The following SGSM1 variants were observed in gnomAD, a reference collection of about 807,000 sequenced individuals.
SGSM1 encodes small G protein signaling modulator 1, also known as RUN and TBC1 domain containing 2.
A neutral mutation model predicts 133.8 loss-of-function variants in SGSM1; 73 were observed. That is an observed-to-expected ratio of 0.55 (90% confidence interval 0.45 to 0.66). The LOEUF (loss-of-function observed/expected upper bound fraction) is 0.66. Ranked by LOEUF, SGSM1 falls within the 30% of genes least tolerant of loss-of-function variation. The pLI, the probability that SGSM1 is intolerant of heterozygous loss-of-function variation, is 0.00. For missense variants in SGSM1, 1,213 were observed against 1,448.1 expected, an observed-to-expected ratio of 0.84 and a Z score of 2.64; for synonymous variants, 563 against 573.0, an observed-to-expected ratio of 0.98 and a Z score of 0.25.
chr22:24,824,888 T>G (rs909678913), intron 2 of SGSM1, among the ~76,000 whole-genome samples: 4 of 152,228 alleles, frequency 2.6e-5, no homozygotes, highest in African/African-American at 9.6e-5. Flanking sequence ...TTTATATCTT[T>G]CCATCTCCCT....
chr22:24,889,082 C>G (rs184436972), intron 16 of SGSM1, among the ~76,000 whole-genome samples: 2,536 of 151,678 alleles, frequency 0.017, 27 homozygotes, highest in South Asian at 0.04. Flanking sequence ...CTGCCTCAGC[C>G]TCCCCAGTAG....
intron 2 of SGSM1, among the ~76,000 whole-genome samples, chr22:24,812,215 T>C (rs988997081): frequency 1.3e-5 from 2 of 151,960 alleles, no homozygotes; most frequent in Admixed American, 6.6e-5. Flanking sequence ...CATTCCTAAT[T>C]TCCTACGTGT....
rs893365411 is a variant in SGSM1, at chr22:24,893,599, A to G, written c.1939A>G (p.Thr647Ala). 2.5e-6 allele frequency: 4 copies of G among 1,575,878 alleles called. No homozygotes were observed. Among genetic ancestry groups the G allele is most frequent in the South Asian group, 2.4e-5 (2 of 83,080 alleles). The part of the protein sequence containing the change: ...HLHRMLHRDS[T>A]ISNESSQSCS... ...GCACCGGATGTTGCACAGGGACTCA[A>G]CCATCAGCAATGAGGTGATGGGCGG... Residue 647 changes from threonine (T) to alanine (A), a missense_variant, in exon 17 of 25, where the codon ACC becomes GCC. By Grantham distance (58) the Thr-to-Ala change is moderately conservative (BLOSUM62 0). Transcript: ENST00000400358.
chr22:24,880,374 T>C (rs1932257793), intron 14 of SGSM1, among the ~76,000 whole-genome samples: 1 of 152,138 alleles, frequency 6.6e-6, no homozygotes, highest in Non-Finnish European at 1.5e-5. Flanking sequence ...CCTCAGGTGA[T>C]CCACCCACCT....
chr22:24,850,699 C>T (rs554399386), intron 5 of SGSM1, among the ~76,000 whole-genome samples: 6 of 152,180 alleles, frequency 3.9e-5, no homozygotes, highest in Admixed American at 1.3e-4. Flanking sequence ...CCTAGAGAAT[C>T]GCTTAGCCTC....
intron 21 of SGSM1, among the ~76,000 whole-genome samples, chr22:24,909,905 T>C (rs1231953484): frequency 6.6e-6 from 1 of 152,234 alleles, no homozygotes; most frequent in African/African-American, 2.4e-5. Flanking sequence ...ATGTTCATAA[T>C]AGCATTATTC....
intron 16 of SGSM1, among the ~76,000 whole-genome samples, chr22:24,893,085 G>A (rs73403295): frequency 5.3e-5 from 8 of 151,022 alleles, no homozygotes; most frequent in Non-Finnish European, 1.0e-4. Context: ...GAAGCGGAGG[G>A]GGGGGAGGGA....
At chr22:24,915,386 A>G (rs748059087) in intron 22 of SGSM1, among the ~76,000 whole-genome samples, 3 of 152,218 alleles carry the variant, frequency 2.0e-5, no homozygotes, top group Admixed American at 2.0e-4. Context: ...ATCAGGCACA[A>G]CCGAATCACT....
chr22:24,860,912 AAAAAAAAAAAATAT>A (rs1189882425), intron 9 of SGSM1, among the ~76,000 whole-genome samples: 17 of 97,774 alleles, frequency 1.7e-4, no homozygotes, highest in East Asian at 1.1e-3. Context: ...AAAAAAAAAA[AAAAAAAAAAAATAT>A]ATATATATAT....
In SGSM1 at chr22:24,868,757, C is replaced by T; in HGVS notation, c.1193C>T (p.Pro398Leu). The change falls in exon 12 of 25, where the codon CCT (proline) becomes CTT (leucine). Residue 398 changes from proline to leucine, a missense_variant. Coordinates refer to ENST00000400358, the MANE Select transcript of SGSM1 (RefSeq NM_001098497.3). ...TTTCCTAAACTGCGCAAGCGAAGCC[C>T]TCAGGGTTCTGCCGAGTCCACATCT... Reference protein sequence around the residue: ...KVFPKLRKRSPQGSAESTSSD... With the variant: ...KVFPKLRKRSLQGSAESTSSD... The T allele has an allele frequency of 2.5e-6, 4 of 1,614,020 alleles. No individual in the cohort carries two copies. Among genetic ancestry groups the T allele is most frequent in the Non-Finnish European group, 3.4e-6 (4 of 1,179,904 alleles).
At chr22:24,870,216 C>T (rs1931700791) in intron 12 of SGSM1, among the ~76,000 whole-genome samples, 1 of 152,218 alleles carries the variant, frequency 6.6e-6, no homozygotes, top group Non-Finnish European at 1.5e-5. Context: ...ACCAGGCGCC[C>T]ACTATCCTGG....
intron 12 of SGSM1, among the ~76,000 whole-genome samples, chr22:24,869,154 C>T (rs1024242908): frequency 6.6e-6 from 1 of 152,156 alleles, no homozygotes; most frequent in Non-Finnish European, 1.5e-5. Flanking sequence ...GCCTCAGTTT[C>T]CTCATCTGTA....
intron 5 of SGSM1, among the ~76,000 whole-genome samples, chr22:24,853,204 T>A (rs912343366): frequency 6.6e-6 from 1 of 152,292 alleles, no homozygotes; most frequent in African/African-American, 2.4e-5. Context: ...ACCCACTCTG[T>A]CTCACTCCAG....
chr22:24,886,887 A>G (rs1932638917), intron 16 of SGSM1, among the ~76,000 whole-genome samples, 159 bp downstream of exon 16: 1 of 152,174 alleles, frequency 6.6e-6, no homozygotes. Context: ...AACATAACAC[A>G]AGCCACATAG....
intron 19 of SGSM1, 73 bp downstream of exon 19, chr22:24,898,632 T>G: frequency 7.1e-7 from 1 of 1,415,802 alleles, no homozygotes; most frequent in South Asian, 1.3e-5. Context: ...TACAAGCCTG[T>G]TATCCAGAAT....
chr22:24,861,199 A>C (rs1931130309), intron 9 of SGSM1, among the ~76,000 whole-genome samples: 1 of 150,662 alleles, frequency 6.6e-6, no homozygotes, highest in African/African-American at 2.4e-5. Flanking sequence ...CTAAAAATAC[A>C]AAACTTAGCT....
intron 23 of SGSM1, among the ~76,000 whole-genome samples, chr22:24,919,150 G>A (rs2123748091): frequency 7.0e-6 from 1 of 143,836 alleles, no homozygotes; most frequent in East Asian, 2.2e-4. Flanking sequence ...CTGGGTTCAA[G>A]CAATTCTCTG....
intron 21 of SGSM1, among the ~76,000 whole-genome samples, chr22:24,905,682 A>C (rs994897185): frequency 8.6e-5 from 13 of 151,438 alleles, no homozygotes; most frequent in African/African-American, 2.9e-4. Context: ...CCAGCTACTC[A>C]GGAGGCTGAG....
At chr22:24,824,520 A>G (rs879533393) in intron 2 of SGSM1, among the ~76,000 whole-genome samples, 1 of 151,920 alleles carries the variant, frequency 6.6e-6, no homozygotes, top group Non-Finnish European at 1.5e-5. Flanking sequence ...ACCCCTCCCA[A>G]CTGTCACCTC....
Sources: allele counts gnomAD v4.1 joint callset (sites outside exome capture counted in the v4.1 genomes callset), GRCh38; gene constraint gnomAD v4.1.1; transcripts MANE v1.5; gene names NCBI Gene and HGNC (gene_info 2026-07-23, HGNC 2026-07-21).